The following ZNF804A variants were observed in gnomAD, a reference collection of about 807,000 sequenced individuals.
ZNF804A encodes the protein zinc finger protein 804A.
A neutral mutation model predicts 16.5 loss-of-function variants in ZNF804A; 2 were observed. The ratio of observed to expected loss-of-function variants is 0.12; its 90% CI spans 0.05 to 0.38. The LOEUF (loss-of-function observed/expected upper bound fraction) is 0.38. Among genes scored for constraint, ZNF804A ranks in the 10% least tolerant of loss-of-function variants. ZNF804A has a pLI of 0.99. For missense variants in ZNF804A, 1,473 were observed against 1,390.7 expected (o/e 1.06, Z -0.94); for synonymous variants, 534 against 489.6 (o/e 1.09, Z -1.20).
At chr2:184,734,486 C>T (rs1286077740) in intron 1 of ZNF804A, among the ~76,000 whole-genome samples, 1 of 152,132 alleles carries the variant, frequency 6.6e-6, no homozygotes, top group African/African-American at 2.4e-5. Context: ...AGCTATCCAT[C>T]TGTTACTGAT....
chr2:184,706,674 A>G (rs775320839), intron 1 of ZNF804A, among the ~76,000 whole-genome samples: 1 of 152,172 alleles, frequency 6.6e-6, no homozygotes, highest in African/African-American at 2.4e-5. Flanking sequence ...ATACCTGACC[A>G]TCAGGATAGC....
At chr2:184,883,342 A>T (rs1172262768) in intron 2 of ZNF804A, among the ~76,000 whole-genome samples, 1 of 152,066 alleles carries the variant, frequency 6.6e-6, no homozygotes, top group East Asian at 1.9e-4. Flanking sequence ...ATTCTATGAG[A>T]CATATAAAGA....
chr2:184,910,287 C>T (rs188987067), intron 2 of ZNF804A, among the ~76,000 whole-genome samples: 21 of 152,048 alleles, frequency 1.4e-4, no homozygotes, highest in Admixed American at 3.3e-4. Context: ...ATTCATGTTG[C>T]TGTAAAGGAC....
chr2:184,707,555 C>T (rs1416722548), intron 1 of ZNF804A, among the ~76,000 whole-genome samples: 1 of 151,958 alleles, frequency 6.6e-6, no homozygotes, highest in Non-Finnish European at 1.5e-5. Context: ...GTTTTTTGGT[C>T]CTGTGTTTAT....
chr2:184,929,487 ATG>A (rs955682770), intron 2 of ZNF804A, among the ~76,000 whole-genome samples: 25 of 151,628 alleles, frequency 1.6e-4, no homozygotes, highest in East Asian at 9.7e-4. Flanking sequence ...GTTTATATAT[ATG>A]TGTGTGTGTG....
intron 1 of ZNF804A, among the ~76,000 whole-genome samples, chr2:184,851,468 C>T (rs1695601081): frequency 6.6e-6 from 1 of 151,906 alleles, no homozygotes; most frequent in Non-Finnish European, 1.5e-5. Flanking sequence ...TTTCACTTAA[C>T]GTAATGTCCT....
chr2:184,808,233 C>A (rs896261929), intron 1 of ZNF804A, among the ~76,000 whole-genome samples: 2 of 151,388 alleles, frequency 1.3e-5, no homozygotes, highest in Non-Finnish European at 3.0e-5. Flanking sequence ...AATTTTCTAT[C>A]TTTCTCATTT....
chr2:184,864,439 A>G (rs1695844976), intron 1 of ZNF804A, among the ~76,000 whole-genome samples: 1 of 152,178 alleles, frequency 6.6e-6, no homozygotes, highest in Non-Finnish European at 1.5e-5. Flanking sequence ...CATGAGATTT[A>G]GAAGGGAAAA....
intron 1 of ZNF804A, among the ~76,000 whole-genome samples, chr2:184,704,482 A>G (rs942910923): frequency 1.3e-5 from 2 of 152,214 alleles, no homozygotes; most frequent in Non-Finnish European, 2.9e-5. Context: ...AGAAATAGGA[A>G]GGACATTGAA....
intron 1 of ZNF804A, among the ~76,000 whole-genome samples, chr2:184,730,856 T>TG (rs933037600): frequency 1.3e-4 from 19 of 151,826 alleles, no homozygotes; most frequent in African/African-American, 4.6e-4. Context: ...GCTTTTTTTT[T>TG]TTTGTGGACA....
At chr2:184,759,646 G>A (rs935312992) in intron 1 of ZNF804A, among the ~76,000 whole-genome samples, 1 of 152,004 alleles carries the variant, frequency 6.6e-6, no homozygotes, top group Admixed American at 6.6e-5. Flanking sequence ...AGGCCTCTGA[G>A]CCCAAGCTCA....
intron 1 of ZNF804A, among the ~76,000 whole-genome samples, chr2:184,861,424 A>G (rs1695798256): frequency 6.6e-6 from 1 of 152,306 alleles, no homozygotes; most frequent in Non-Finnish European, 1.5e-5. Context: ...TCTGCAGGAA[A>G]TAAGCACTAG....
intron 1 of ZNF804A, among the ~76,000 whole-genome samples, chr2:184,849,858 A>G (rs911958008): frequency 6.6e-6 from 1 of 152,040 alleles, no homozygotes. Context: ...AATGGGGTTC[A>G]TATGCACAAT....
At chr2:184,800,910 A>C (rs1410950691) in intron 1 of ZNF804A, among the ~76,000 whole-genome samples, 1 of 152,100 alleles carries the variant, frequency 6.6e-6, no homozygotes, top group Non-Finnish European at 1.5e-5. Flanking sequence ...ATTCTTTATT[A>C]GATGCATTTT....
rs575534681 is a variant in ZNF804A at position 184,691,862 on chromosome 2, G to T, written c.111+92792G>T. Among the ~76,000 whole-genome samples the T allele has an allele frequency of 1.5e-4, 23 of 151,980 alleles. No homozygotes were observed. The East Asian group carries it at 4.3e-3, about 28-fold the overall frequency. Reference sequence around the variant, plus strand: ...TGAGAGCACAGTGATCCCAGAAATAGCCATTAAAAGAACTGGAACAGATTA... The same window carrying T: ...TGAGAGCACAGTGATCCCAGAAATATCCATTAAAAGAACTGGAACAGATTA... On this transcript the variant is annotated intron_variant, in intron 1 of 3. Coordinates refer to ENST00000302277, the MANE Select transcript of ZNF804A (RefSeq NM_194250.2).
chr2:184,772,936 T>TATATAC (rs1694238053), intron 1 of ZNF804A, among the ~76,000 whole-genome samples: 3 of 148,402 alleles, frequency 2.0e-5, no homozygotes, highest in African/African-American at 7.4e-5. Flanking sequence ...CACACACATA[T>TATATAC]ATATACATAT....
intron 1 of ZNF804A, among the ~76,000 whole-genome samples, chr2:184,755,000 C>T (rs549152030): frequency 1.3e-5 from 2 of 151,886 alleles, no homozygotes; most frequent in Admixed American, 1.3e-4. Context: ...CATGATCAAT[C>T]ACCTCCCACT....
rs537692757 is a variant in ZNF804A, at chr2:184,918,527, C to G, written c.256-15076C>G. Among the ~76,000 whole-genome samples, 12 of 152,248 alleles carry G rather than the reference C, an allele frequency of 7.9e-5. No individual in the cohort carries two copies. In the South Asian group the frequency reaches 2.5e-3, roughly 32 times the overall value. On this transcript the variant is annotated intron_variant, in intron 2 of 3. Transcript: ENST00000302277. Reference sequence around the variant, plus strand: ...ATTGGATGCTAATTCAGAACATATACAGCTTTCTGGAGAGTCTTACCAAAA... The same window carrying G: ...ATTGGATGCTAATTCAGAACATATAGAGCTTTCTGGAGAGTCTTACCAAAA...
At chr2:184,641,640 C>A (rs1691798025) in intron 1 of ZNF804A, among the ~76,000 whole-genome samples, 1 of 152,104 alleles carries the variant, frequency 6.6e-6, no homozygotes, top group African/African-American at 2.4e-5. Context: ...TATCATTGCA[C>A]AAAATAGCAA....
Sources: gnomAD v4.1 joint callset for allele counts (sites outside exome capture counted in the v4.1 genomes callset) on GRCh38, gnomAD v4.1.1 for gene constraint, MANE v1.5 for transcripts, NCBI Gene and HGNC (gene_info 2026-07-23, HGNC 2026-07-21) for gene names.